IPO9: variants seen among roughly 807,000 people sequenced by gnomAD.
IPO9 encodes importin 9, also known as importin-9.
A neutral mutation model predicts 128.6 loss-of-function variants in IPO9; 28 were observed. The observed-to-expected ratio is 0.22, with a 90% CI of 0.16 to 0.30. The LOEUF is 0.30. Among genes scored for constraint, IPO9 ranks in the 10% least tolerant of loss-of-function variants. The pLI is 1.00. For missense variants in IPO9, 935 were observed against 1,293.9 expected, an observed-to-expected ratio of 0.72 and a Z score of 4.26; for synonymous variants, 455 against 475.8, an observed-to-expected ratio of 0.96 and a Z score of 0.57.
intron 1 of IPO9, among the ~76,000 whole-genome samples, chr1:201,846,664 C>T (rs1458498710): frequency 1.3e-5 from 2 of 151,926 alleles, no homozygotes; most frequent in South Asian, 4.2e-4. Flanking sequence ...TGAGCCACTG[C>T]GCCCAGCCTG....
chr1:201,844,843 C>T (rs1386879026), intron 1 of IPO9, among the ~76,000 whole-genome samples: 1 of 152,090 alleles, frequency 6.6e-6, no homozygotes, highest in Non-Finnish European at 1.5e-5. Flanking sequence ...TAAGGTGGAA[C>T]ATAGATGGGA....
chr1:201,874,189 G>C lies in IPO9; in HGVS notation c.2711-61G>C. On this transcript the variant is annotated intron_variant, in intron 20 of 23. Coordinates refer to ENST00000361565, the MANE Select transcript of IPO9 (RefSeq NM_018085.5). ...GTGAGTGGCACTGAGGAGAGGACAG[G>C]GGTACTTCCAGAAGTAAGCTCAGTG... is the stretch of plus-strand genomic sequence containing the variant. 1.9e-6 allele frequency: 3 copies of C among 1,589,466 alleles called. No individual in the cohort carries two copies. The Admixed American group carries it at 5.1e-5, about 27-fold the overall frequency.
rs770969770 is a variant in IPO9 at position 201,852,205 on chromosome 1, A to T, written c.603+13A>T. On this transcript the variant is annotated intron_variant, in intron 5 of 23. Transcript: ENST00000361565. ...CACCATGGCTGAGGTATGAAATCTC[A>T]GCTCCAAGATTATAGTGAGTTCAGG... The T allele has an allele frequency of 3.2e-6, 5 of 1,556,438 alleles. No homozygotes were observed. The highest frequency in any genetic ancestry group is 2.7e-6 in the Non-Finnish European group (3 of 1,128,232).
intron 20 of IPO9, among the ~76,000 whole-genome samples, chr1:201,873,216 G>A (rs1211507078): frequency 2.6e-5 from 4 of 152,114 alleles, no homozygotes; most frequent in African/African-American, 4.8e-5. Flanking sequence ...AGGCCAGAGC[G>A]GATGGATCAC....
chr1:201,869,799 T>A, intron 17 of IPO9, 81 bp downstream of exon 17: 1 of 1,473,740 alleles, frequency 6.8e-7, no homozygotes, highest in South Asian at 1.3e-5. Flanking sequence ...TCTGACATGG[T>A]TTTATGCTTT....
At chr1:201,844,901 T>A (rs1680098014) in intron 1 of IPO9, among the ~76,000 whole-genome samples, 1 of 152,144 alleles carries the variant, frequency 6.6e-6, no homozygotes, top group Admixed American at 6.5e-5. Flanking sequence ...AATAGCAAAA[T>A]AACTTATTTT....
At position 201,879,028 on chromosome 1, in the gene IPO9, G is replaced by A. The variant is rs1680832012; in HGVS notation, c.*2974G>A. 6.6e-6 allele frequency: 1 copy of A among 152,208 alleles called. No homozygotes were observed. The highest frequency in any genetic ancestry group is 2.1e-4 in the South Asian group (1 of 4,834). The allele number at this position is 152,208 out of a possible 1,614,324, so 9.4% of individuals were successfully genotyped here. A position where few individuals can be genotyped will look rare whatever the true frequency, so the allele number is the denominator to read the frequency against. ...GTAAACAGCAGCTGGGGCACCAAGGGGCTCCCAGGAGTTTGTCGAGCTTTT... is the reference window on the plus strand; with the variant it reads ...GTAAACAGCAGCTGGGGCACCAAGGAGCTCCCAGGAGTTTGTCGAGCTTTT... On this transcript the variant is annotated 3_prime_UTR_variant, in exon 24 of 24. Transcript: ENST00000361565.
intron 1 of IPO9, among the ~76,000 whole-genome samples, chr1:201,833,667 C>T (rs879323868): frequency 2.6e-5 from 4 of 152,192 alleles, no homozygotes; most frequent in Non-Finnish European, 4.4e-5. Context: ...GAGATGATGC[C>T]AGTAACCACC....
chr1:201,858,183 G>A (rs1323521153), intron 11 of IPO9, among the ~76,000 whole-genome samples: 3 of 152,162 alleles, frequency 2.0e-5, no homozygotes, highest in African/African-American at 7.2e-5. Flanking sequence ...ATCTATTATT[G>A]CTCACTTATG....
chr1:201,871,342 T>A lies in IPO9; in HGVS notation c.2576+15T>A. Reference sequence around the variant, plus strand: ...GGCAAAGTCAGGTAGAACCTCATCTTTCTTTTCTGGGCATTCTGCCACCAC... The same window carrying A: ...GGCAAAGTCAGGTAGAACCTCATCTATCTTTTCTGGGCATTCTGCCACCAC... On this transcript the variant is annotated intron_variant, in intron 19 of 23. Coordinates refer to ENST00000361565, the MANE Select transcript of IPO9 (RefSeq NM_018085.5). The A allele has an allele frequency of 6.6e-7, 1 of 1,513,272 alleles. No individual in the cohort carries two copies. The highest frequency in any genetic ancestry group is 9.0e-7 in the Non-Finnish European group (1 of 1,116,518). 93.7% of individuals were successfully genotyped at this position (1,513,272 alleles called of 1,614,324 possible). A position where few individuals can be genotyped will look rare whatever the true frequency, so the allele number is the denominator to read the frequency against.
rs982038328 is a variant in IPO9, at chr1:201,876,663, C to T, written c.*609C>T. The T allele has an allele frequency of 1.3e-5, 2 of 159,066 alleles. No homozygotes were observed. Among genetic ancestry groups the T allele is most frequent in the Non-Finnish European group, 2.8e-5 (2 of 71,928 alleles). 9.9% of individuals were successfully genotyped at this position (159,066 alleles called of 1,614,324 possible). A position where few individuals can be genotyped will look rare whatever the true frequency, so the allele number is the denominator to read the frequency against. On this transcript the variant is annotated 3_prime_UTR_variant, in exon 24 of 24. Coordinates refer to ENST00000361565, the MANE Select transcript of IPO9 (RefSeq NM_018085.5). ...AGGTCGTCTTGTTTTTGCTTCATTG[C>T]ATGACATAACCCTTCCCCTCAAGCT...
chr1:201,875,897 G>T, intron 23 of IPO9, 47 bp from the exon 24 acceptor site: 1 of 1,195,682 alleles, frequency 8.4e-7, no homozygotes, highest in Non-Finnish European at 1.2e-6. Context: ...ACTGCAAATG[G>T]GTGACTTGCA....
In IPO9 at chr1:201,871,288, G is replaced by A. The variant is rs775479409; in HGVS notation, c.2537G>A (p.Arg846Gln). ...TTTGTGATGGCTGAGTGGACAAGCC[G>A]ACAGCACCTGTTCTATGGACAGTAT... Reference protein sequence around the residue: ...LEFVMAEWTSRQHLFYGQYEG... With the variant: ...LEFVMAEWTSQQHLFYGQYEG... The change falls in exon 19 of 24, where the codon CGA becomes CAA. Residue 846 changes from arginine (R) to glutamine (Q), a missense_variant. By Grantham distance (43) the Arg-to-Gln change is conservative. Transcript: ENST00000361565. 15 of 1,605,642 alleles carry A rather than the reference G, an allele frequency of 9.3e-6. No individual in the cohort carries two copies. Among genetic ancestry groups the A allele is most frequent in the African/African-American group, 1.4e-5 (1 of 73,996 alleles).
In IPO9 at chr1:201,883,683, A is replaced by AG. The variant is rs1680931904; in HGVS notation, c.*7633dup. ...CCAGGACCTTTTCGTGATTCTGGAG[A>AG]GGGGAACAAACCATAATAACAACAA... On this transcript the variant is annotated 3_prime_UTR_variant, in exon 24 of 24. Transcript: ENST00000361565. 6.6e-6 allele frequency: 1 copy of AG among 152,246 alleles called. No individual in the cohort carries two copies. The highest frequency in any genetic ancestry group is 1.5e-5 in the Non-Finnish European group (1 of 68,050). The allele number at this position is 152,246 out of a possible 1,614,324, so 9.4% of individuals were successfully genotyped here.
chr1:201,853,988 G>T (rs1680273015), intron 6 of IPO9, among the ~76,000 whole-genome samples: 1 of 151,690 alleles, frequency 6.6e-6, no homozygotes, highest in Admixed American at 6.6e-5. Flanking sequence ...CACCCACCTC[G>T]GCCTCCCAAA....
chr1:201,865,500 G>A (rs542609526), intron 14 of IPO9, among the ~76,000 whole-genome samples: 3 of 152,192 alleles, frequency 2.0e-5, no homozygotes, highest in Non-Finnish European at 2.9e-5. Flanking sequence ...GAGCCACCGC[G>A]CCCGGCCTGC....
chr1:201,865,983 A>G lies in IPO9; in HGVS notation c.1629-750A>G, dbSNP rs143709173. Among the ~76,000 whole-genome samples the G allele has an allele frequency of 5.6e-4, 86 of 152,312 alleles. No homozygotes were observed. In the East Asian group the frequency reaches 0.013, roughly 23 times the overall value. On this transcript the variant is annotated intron_variant, in intron 14 of 23. Coordinates refer to ENST00000361565, the MANE Select transcript of IPO9 (RefSeq NM_018085.5). ...CCGTATGGTAGATTACAGAGTTTGC[A>G]TCATCTATCTACATCATGCTGGATC...
At chr1:201,861,406 G>A (rs1680445358) in intron 13 of IPO9, among the ~76,000 whole-genome samples, 1 of 152,100 alleles carries the variant, frequency 6.6e-6, no homozygotes, top group South Asian at 2.1e-4. Flanking sequence ...TTACAGTATA[G>A]TATTCAATAA....
Position 201,868,616 on chromosome 1 carries a change from A to G in IPO9, c.1856-32A>G. On this transcript the variant is annotated intron_variant, in intron 15 of 23. Coordinates refer to ENST00000361565, the MANE Select transcript of IPO9 (RefSeq NM_018085.5). ...GAGAAGCAGATGCAGACCATCAGGCAGGGGGATTCCGTGTTGCCTTATCCA... is the reference window on the plus strand; with the variant it reads ...GAGAAGCAGATGCAGACCATCAGGCGGGGGGATTCCGTGTTGCCTTATCCA... The G allele has an allele frequency of 2.5e-6, 4 of 1,598,260 alleles. No homozygotes were observed. The African/African-American group carries it at 4.0e-5, about 16-fold the overall frequency.
Sources: gnomAD v4.1 joint callset for allele counts (sites outside exome capture counted in the v4.1 genomes callset) on GRCh38, gnomAD v4.1.1 for gene constraint, MANE v1.5 for transcripts, NCBI Gene and HGNC (gene_info 2026-07-23, HGNC 2026-07-21) for gene names.